The following ENTREP2 variants were observed in gnomAD, a reference collection of about 807,000 sequenced individuals.
ENTREP2 encodes endosomal transmembrane epsin interactor 2, also known as protein ENTREP2.
the ENTREP2 span, among the ~76,000 whole-genome samples, chr15:29,228,339 A>ACAAAAC: frequency 6.0e-5 from 9 of 150,356 alleles, no homozygotes; most frequent in African/African-American, 1.9e-4. Context: ...AAAAACAAAA[A>ACAAAAC]CAAAACAAAA....
At chr15:29,382,314 A>G in the ENTREP2 span, among the ~76,000 whole-genome samples, 1 of 151,052 alleles carries the variant, frequency 6.6e-6, no homozygotes, top group Admixed American at 6.6e-5. Context: ...GGCAAATGCA[A>G]CCCCACCCAC....
chr15:29,250,908 C>T, the ENTREP2 span, among the ~76,000 whole-genome samples: 76,847 of 151,952 alleles, frequency 0.51, 20,922 homozygotes, highest in South Asian at 0.62. Context: ...GATCAATGTT[C>T]TCTAGGCCAC....
At chr15:29,234,639 T>A in the ENTREP2 span, 1 of 1,560,794 alleles carries the variant, frequency 6.4e-7, no homozygotes, top group Non-Finnish European at 8.8e-7. Context: ...TCAAACCACC[T>A]ACCAGTTCTA....
chr15:29,360,811 G>C, the ENTREP2 span, among the ~76,000 whole-genome samples: 5 of 152,188 alleles, frequency 3.3e-5, no homozygotes, highest in Admixed American at 2.6e-4. Context: ...TCTGGTCTGA[G>C]AGCCAGATGC....
chr15:29,451,675 G>A, the ENTREP2 span, among the ~76,000 whole-genome samples: 1 of 152,198 alleles, frequency 6.6e-6, no homozygotes, highest in Admixed American at 6.5e-5. Context: ...AATTAAGACT[G>A]CAGGCAGCGA....
chr15:29,233,720 A>C, the ENTREP2 span: 1 of 1,355,174 alleles, frequency 7.4e-7, no homozygotes, highest in Non-Finnish European at 1.1e-6. Context: ...ATCAAGTTAC[A>C]TGGATCTGAG....
the ENTREP2 span, among the ~76,000 whole-genome samples, chr15:29,532,095 C>T: frequency 6.6e-6 from 1 of 152,324 alleles, no homozygotes; most frequent in East Asian, 1.9e-4. Flanking sequence ...CCATGTTGTA[C>T]AAGAGATCTC....
the ENTREP2 span, among the ~76,000 whole-genome samples, chr15:29,269,990 C>G: frequency 6.6e-6 from 1 of 152,136 alleles, no homozygotes; most frequent in Non-Finnish European, 1.5e-5. Context: ...AAACAGAGAG[C>G]GAGAACCGAA....
At chr15:29,428,326 G>A in the ENTREP2 span, among the ~76,000 whole-genome samples, 1 of 152,142 alleles carries the variant, frequency 6.6e-6, no homozygotes, top group East Asian at 1.9e-4. Context: ...CGATTCTCCT[G>A]CTTCAGCCTC....
At chr15:29,364,052 T>C in the ENTREP2 span, among the ~76,000 whole-genome samples, 1 of 152,136 alleles carries the variant, frequency 6.6e-6, no homozygotes, top group Non-Finnish European at 1.5e-5. Flanking sequence ...GGAACCCTCT[T>C]TTTTTTGAGA....
chr15:29,136,353 C>G, the ENTREP2 span: 808,882 of 1,488,478 alleles, frequency 0.54, 223,385 homozygotes, highest in Non-Finnish European at 0.57. Flanking sequence ...TTGTCTGGGG[C>G]CCCAGGCCTC....
chr15:29,222,599 T>G, the ENTREP2 span, among the ~76,000 whole-genome samples: 1 of 152,112 alleles, frequency 6.6e-6, no homozygotes, highest in Non-Finnish European at 1.5e-5. Flanking sequence ...TCCTCTTCCT[T>G]CTTACATTTA....
chr15:29,410,761 C>T, the ENTREP2 span, among the ~76,000 whole-genome samples: 1 of 152,188 alleles, frequency 6.6e-6, no homozygotes, highest in Admixed American at 6.5e-5. Context: ...GGTATAACAA[C>T]AGTCCATTTC....
chr15:29,551,412 T>C, the ENTREP2 span, among the ~76,000 whole-genome samples: 1 of 152,096 alleles, frequency 6.6e-6, no homozygotes, highest in African/African-American at 2.4e-5. Flanking sequence ...TAGAATTCTG[T>C]GAAACTGGCT....
the ENTREP2 span, among the ~76,000 whole-genome samples, chr15:29,292,259 TTTTTC>T: frequency 1.4e-4 from 22 of 152,288 alleles, no homozygotes; most frequent in East Asian, 1.9e-3. Context: ...TTCATCCATC[TTTTTC>T]TTTTCTTTTC....
chr15:29,556,108 A>T, the ENTREP2 span, among the ~76,000 whole-genome samples: 2 of 152,156 alleles, frequency 1.3e-5, no homozygotes, highest in Admixed American at 6.5e-5. Flanking sequence ...AAAATTAAAA[A>T]ATTAGCCGGG....
the ENTREP2 span, among the ~76,000 whole-genome samples, chr15:29,226,505 T>G: frequency 5.9e-5 from 9 of 152,328 alleles, no homozygotes; most frequent in African/African-American, 1.9e-4. Context: ...ATCCCTGACC[T>G]GTGATTAGTA....
At chr15:29,144,599 G>A in the ENTREP2 span, among the ~76,000 whole-genome samples, 2 of 152,152 alleles carry the variant, frequency 1.3e-5, no homozygotes, top group Non-Finnish European at 2.9e-5. Flanking sequence ...GCATGGTGAC[G>A]TGTGCCTGTA....
chr15:29,395,192 C>T, the ENTREP2 span, among the ~76,000 whole-genome samples: 4 of 151,814 alleles, frequency 2.6e-5, no homozygotes, highest in South Asian at 6.3e-4. Context: ...CTGGCCTCTC[C>T]TTCCTTTGTA....
Sources: gnomAD v4.1 joint callset for allele counts (sites outside exome capture counted in the v4.1 genomes callset) on GRCh38, gnomAD v4.1.1 for gene constraint, MANE v1.5 for transcripts, NCBI Gene and HGNC (gene_info 2026-07-23, HGNC 2026-07-21) for gene names.